The following ASIP variants were observed in gnomAD, a reference collection of about 807,000 sequenced individuals.
ASIP encodes agouti signaling protein.
Under a neutral mutation model 10.3 loss-of-function variants are expected in ASIP, and 11 were observed. The ratio of observed to expected loss-of-function variants is 1.07; its 90% CI spans 0.68 to 1.78. The LOEUF is 1.78. Among genes scored for constraint, ASIP ranks in the 40% most tolerant of loss-of-function variants. ASIP has a pLI of 0.00. For missense variants in ASIP, 180 were observed against 169.2 expected (o/e 1.06, Z -0.35); for synonymous variants, 70 against 70.8 (o/e 0.99, Z 0.06).
intron 1 of ASIP, among the ~76,000 whole-genome samples, chr20:34,257,296 GGC>G (rs1340197205): frequency 6.6e-6 from 1 of 151,922 alleles, no homozygotes; most frequent in Non-Finnish European, 1.5e-5. Flanking sequence ...TCACCATGTT[GGC>G]CAGGTCGAAC....
chr20:34,251,310 G>A (rs819166), intron 1 of ASIP, among the ~76,000 whole-genome samples: 17,480 of 150,432 alleles, frequency 0.12, 1,089 homozygotes, highest in East Asian at 0.22. Flanking sequence ...TCGCTCCGTC[G>A]CCCAGGCTGG....
intron 1 of ASIP, chr20:34,246,248 C>G: frequency 3.2e-6 from 5 of 1,547,764 alleles, no homozygotes; most frequent in Non-Finnish European, 4.4e-6. Context: ...GCCTCTTCCA[C>G]CTCTCTTCTG....
chr20:34,215,806 C>G, intron 1 of ASIP: 2 of 1,538,500 alleles, frequency 1.3e-6, no homozygotes, highest in East Asian at 4.5e-5. Flanking sequence ...CTGGGGAAAT[C>G]TTTAACTGCT....
At chr20:34,225,959 T>C (rs1476925270) in intron 1 of ASIP, among the ~76,000 whole-genome samples, 1 of 151,278 alleles carries the variant, frequency 6.6e-6, no homozygotes, top group Non-Finnish European at 1.5e-5. Flanking sequence ...AGTGGCGCAG[T>C]CTTGGCTCAC....
rs2035117694 is a variant in ASIP at position 34,230,808 on chromosome 20, CG to C, written c.-10-29554del. Among the ~76,000 whole-genome samples, 3 of 38,504 alleles carry C rather than the reference CG, an allele frequency of 7.8e-5. 1 individual carries two copies. Among genetic ancestry groups the C allele is most frequent in the East Asian group, 1.5e-3 (2 of 1,308 alleles). 25.3% of individuals were successfully genotyped at this position (38,504 alleles called of 152,430 possible). On this transcript the variant is annotated intron_variant, in intron 1 of 3. Coordinates refer to the ASIP transcript ENST00000568305. ...CCTCCCTCCCGGACGGGGTGGCTGC[CG>C]GGCGGAGACGCTCCTCACTTCCCAG...
chr20:34,213,812 G>T (rs2034989962), intron 1 of ASIP: 10 of 1,514,102 alleles, frequency 6.6e-6, no homozygotes, highest in Non-Finnish European at 9.2e-6. Context: ...AAGAATGTCT[G>T]TAAACAGTCC....
intron 1 of ASIP, among the ~76,000 whole-genome samples, chr20:34,221,418 C>T (rs951720099): frequency 1.3e-5 from 2 of 151,912 alleles, no homozygotes; most frequent in African/African-American, 4.8e-5. Context: ...AAACAAATGG[C>T]AAATGTTGAC....
chr20:34,252,246 G>A (rs1040967652), intron 1 of ASIP, among the ~76,000 whole-genome samples: 3 of 152,200 alleles, frequency 2.0e-5, no homozygotes, highest in Non-Finnish European at 4.4e-5. Context: ...TCAGTATACA[G>A]AGGACCCGCA....
intron 1 of ASIP, among the ~76,000 whole-genome samples, chr20:34,257,651 A>G (rs889175332): frequency 2.0e-5 from 3 of 152,172 alleles, no homozygotes; most frequent in Non-Finnish European, 4.4e-5. Context: ...AGCATGATAT[A>G]ATAATAAGTT....
Position 34,214,124 on chromosome 20 carries a change from C to A in ASIP, c.-11+19364C>A, listed in dbSNP as rs2034992334. On this transcript the variant is annotated intron_variant, in intron 1 of 3. Coordinates refer to the ASIP transcript ENST00000568305. The stretch of plus-strand genomic sequence containing the variant: ...TGCTCAGGAAGGACTGGTGGCCATT[C>A]TCAGGTGGAGAAAGCTTTAATAAAT... The A allele has an allele frequency of 8.8e-6, 10 of 1,139,328 alleles. No homozygotes were observed. The South Asian group carries it at 1.1e-4, about 13-fold the overall frequency. The allele number at this position is 1,139,328 out of a possible 1,614,324, so 70.6% of individuals were successfully genotyped here.
At chr20:34,264,821 GGT>G (rs2035757225) in intron 3 of ASIP, among the ~76,000 whole-genome samples, 1 of 142,546 alleles carries the variant, frequency 7.0e-6, no homozygotes, top group Non-Finnish European at 1.5e-5. Context: ...TTAGAAATGG[GGT>G]GTCACTCTGT....
intron 1 of ASIP, among the ~76,000 whole-genome samples, chr20:34,223,070 T>G (rs1366373275): frequency 8.0e-6 from 1 of 124,984 alleles, no homozygotes. Flanking sequence ...AAGTGAGGAG[T>G]GTCTCTGCCT....
chr20:34,269,008 G>GA lies in ASIP; in HGVS notation c.243dup (p.Val82SerfsTer102). On this transcript the variant is annotated frameshift_variant, in exon 4 of 4. Coordinates refer to ENST00000374954, the MANE Select transcript of ASIP (RefSeq NM_001672.3). LOFTEE classifies it high-confidence loss of function. Reference sequence around the variant, plus strand: ...CCACGCAGAAGGAGGCTTCGATGAAGAAAGTGGTGCGGCCCCGGACCCCCC... The same window carrying GA: ...CCACGCAGAAGGAGGCTTCGATGAAGAAAAGTGGTGCGGCCCCGGACCCCCC... 1 of 1,607,732 alleles carries GA rather than the reference G, an allele frequency of 6.2e-7. No homozygotes were observed. Among genetic ancestry groups the GA allele is most frequent in the Non-Finnish European group, 8.5e-7 (1 of 1,177,736 alleles).
chr20:34,245,371 G>C (rs2035355635), intron 1 of ASIP, among the ~76,000 whole-genome samples: 1 of 148,880 alleles, frequency 6.7e-6, no homozygotes, highest in African/African-American at 2.5e-5. Context: ...CAAAGAGAAA[G>C]TCAGTACCAA....
chr20:34,268,953 C>A, intron 3 of ASIP, 38 bp from the exon 4 acceptor site: 1 of 1,565,624 alleles, frequency 6.4e-7, no homozygotes, highest in East Asian at 2.4e-5. Flanking sequence ...GAGGGGTGGG[C>A]GTGGCCGGCT....
intron 1 of ASIP, among the ~76,000 whole-genome samples, chr20:34,235,363 C>T (rs1030136441): frequency 3.3e-5 from 5 of 152,094 alleles, no homozygotes; most frequent in East Asian, 1.9e-4. Flanking sequence ...TCGCTTGAAG[C>T]GGGGAGGCGG....
intron 1 of ASIP, among the ~76,000 whole-genome samples, chr20:34,249,497 T>G (rs183605724): frequency 6.6e-6 from 1 of 152,172 alleles, no homozygotes; most frequent in African/African-American, 2.4e-5. Flanking sequence ...ATGATCAGTG[T>G]CAACTTTCTC....
At chr20:34,239,187 A>G (rs947797805), upstream of ASIP, among the ~76,000 whole-genome samples, 2 of 151,032 alleles carry the variant, frequency 1.3e-5, no homozygotes, top group African/African-American at 2.4e-5. Flanking sequence ...CCTAATATCC[A>G]TCAGACTCAG....
At chr20:34,255,879 C>A (rs758618717) in intron 1 of ASIP, among the ~76,000 whole-genome samples, 1 of 152,112 alleles carries the variant, frequency 6.6e-6, no homozygotes, top group Non-Finnish European at 1.5e-5. Context: ...CTTAGCAGAC[C>A]GAGAAAGGGA....
Sources: gnomAD v4.1 joint callset for allele counts (sites outside exome capture counted in the v4.1 genomes callset) on GRCh38, gnomAD v4.1.1 for gene constraint, MANE v1.5 for transcripts, NCBI Gene and HGNC (gene_info 2026-07-23, HGNC 2026-07-21) for gene names.